The following CHD9 variants were observed in gnomAD, a reference collection of about 807,000 sequenced individuals.
CHD9 encodes the protein ATP-dependent chromatin remodeler CHD9.
CHD9 carries 77 observed loss-of-function variants against 316.1 expected under a neutral mutation model. The ratio of observed to expected loss-of-function variants is 0.24; its 90% CI spans 0.20 to 0.29. The LOEUF is 0.29. Ranked by LOEUF, CHD9 falls within the 10% of genes least tolerant of loss-of-function variation. CHD9 has a pLI of 1.00. For missense variants in CHD9, 2,763 were observed against 3,438.1 expected (o/e 0.80, Z 4.91); for synonymous variants, 1,129 against 1,158.3 (o/e 0.97, Z 0.51).
At chr16:53,177,434 C>T (rs2152798745) in intron 2 of CHD9, among the ~76,000 whole-genome samples, 1 of 152,168 alleles carries the variant, frequency 6.6e-6, no homozygotes, top group South Asian at 2.1e-4. Context: ...ATGATTTGAT[C>T]CAGTATTTTT....
intron 2 of CHD9, among the ~76,000 whole-genome samples, chr16:53,164,251 A>G (rs1017796716): frequency 1.1e-4 from 17 of 152,182 alleles, no homozygotes; most frequent in Admixed American, 8.5e-4. Context: ...TAGCAGAGGA[A>G]GAACCAATGC....
intron 11 of CHD9, among the ~76,000 whole-genome samples, chr16:53,236,350 A>C (rs1319242999): frequency 1.3e-5 from 2 of 152,036 alleles, no homozygotes; most frequent in Admixed American, 1.3e-4. Flanking sequence ...GCTTGCCTTC[A>C]TATCCAAGCC....
At chr16:53,235,409 GTCT>G in intron 11 of CHD9, 103 bp downstream of exon 11, 1 of 806,784 alleles carries the variant, frequency 1.2e-6, no homozygotes, top group Non-Finnish European at 1.8e-6. Flanking sequence ...TTGTTTTGAA[GTCT>G]TCATTATTTA....
intron 1 of CHD9, among the ~76,000 whole-genome samples, chr16:53,071,903 T>G (rs1252749694): frequency 6.6e-6 from 1 of 152,186 alleles, no homozygotes; most frequent in Non-Finnish European, 1.5e-5. Flanking sequence ...CTTCTGTCAC[T>G]CAACGGTTTG....
At chr16:53,282,610 A>T (rs1490176463) in intron 24 of CHD9, among the ~76,000 whole-genome samples, 1 of 152,162 alleles carries the variant, frequency 6.6e-6, no homozygotes, top group East Asian at 1.9e-4. Flanking sequence ...CTGTCTCAAA[A>T]AAACAGAAAA....
chr16:53,106,572 C>G (rs944998994), intron 1 of CHD9, among the ~76,000 whole-genome samples: 2 of 152,096 alleles, frequency 1.3e-5, no homozygotes, highest in Non-Finnish European at 2.9e-5. Context: ...AGATAAAAAA[C>G]TGAACCCCAT....
chr16:53,238,561 A>G lies in CHD9; in HGVS notation c.2852A>G (p.Tyr951Cys). 6.2e-7 allele frequency: 1 copy of G among 1,613,330 alleles called. No individual in the cohort carries two copies. Among genetic ancestry groups the G allele is most frequent in the Non-Finnish European group, 8.5e-7 (1 of 1,179,418 alleles). Residue 951 changes from tyrosine to cysteine, a missense_variant, in exon 12 of 39, where the codon TAC becomes TGC. Coordinates refer to ENST00000447540, the MANE Select transcript of CHD9 (RefSeq NM_001308319.2). ...ATTAGCAGACAAATGATACAGCAAT[A>G]CGAGATGTACTTCAGGGATTCACAG... ...SLISRQMIQQYEMYFRDSQGR... is the reference protein window; with the variant it reads ...SLISRQMIQQCEMYFRDSQGR...
intron 19 of CHD9, among the ~76,000 whole-genome samples, chr16:53,262,629 G>A (rs1451230280): frequency 6.6e-6 from 1 of 152,074 alleles, no homozygotes; most frequent in Non-Finnish European, 1.5e-5. Flanking sequence ...TGTAGTGCAG[G>A]CAGGTTTGGA....
At chr16:53,289,411 A>G (rs2054147464) in intron 27 of CHD9, among the ~76,000 whole-genome samples, 1 of 152,116 alleles carries the variant, frequency 6.6e-6, no homozygotes, top group Admixed American at 6.6e-5. Flanking sequence ...GAGAGAAAGA[A>G]AAATGTGGAA....
At chr16:53,059,640 C>G (rs924173528) in intron 1 of CHD9, among the ~76,000 whole-genome samples, 9 of 152,206 alleles carry the variant, frequency 5.9e-5, no homozygotes, top group Non-Finnish European at 1.2e-4. Flanking sequence ...TCGGCCTCCC[C>G]ACTCATGGGG....
chr16:53,260,273 G>C (rs2050970438), intron 19 of CHD9, among the ~76,000 whole-genome samples: 1 of 152,178 alleles, frequency 6.6e-6, no homozygotes, highest in African/African-American at 2.4e-5. Context: ...GAGGCTGGAA[G>C]TTCAAGACCA....
chr16:53,063,313 A>T (rs917326781), intron 1 of CHD9, among the ~76,000 whole-genome samples: 5 of 151,330 alleles, frequency 3.3e-5, no homozygotes, highest in African/African-American at 1.2e-4. Context: ...GTCCTGCTCC[A>T]GATTTGTGCT....
chr16:53,093,472 G>C (rs577601791), intron 1 of CHD9, among the ~76,000 whole-genome samples: 1 of 152,086 alleles, frequency 6.6e-6, no homozygotes, highest in East Asian at 1.9e-4. Flanking sequence ...AACCCAATTC[G>C]CTCATTCAAG....
Position 53,245,592 on chromosome 16 carries a change from C to A in CHD9, c.3199-3C>A. ...ATATGTCTTTTTATCATTTTTTATTCAGGTACAGAAACTTCAGGCTATCCT... is the reference window on the plus strand; with the variant it reads ...ATATGTCTTTTTATCATTTTTTATTAAGGTACAGAAACTTCAGGCTATCCT... On this transcript the variant is annotated splice_polypyrimidine_tract_variant and splice_region_variant and intron_variant, in intron 14 of 38. Coordinates refer to ENST00000447540, the MANE Select transcript of CHD9 (RefSeq NM_001308319.2). The surrounding 1 kb of genome is among the most constrained non-coding windows in gnomAD (Gnocchi z 4.1). 6.5e-7 allele frequency: 1 copy of A among 1,545,580 alleles called. No homozygotes were observed. Among genetic ancestry groups the A allele is most frequent in the Non-Finnish European group, 8.7e-7 (1 of 1,150,514 alleles).
At chr16:53,206,997 T>C (rs769545293) in intron 2 of CHD9, among the ~76,000 whole-genome samples, 3 of 152,238 alleles carry the variant, frequency 2.0e-5, no homozygotes, top group Non-Finnish European at 2.9e-5. Context: ...TTACTTGTCC[T>C]CTGCCTTTAA....
chr16:53,126,444 T>TTGA (rs746740996), intron 1 of CHD9, among the ~76,000 whole-genome samples: 8 of 152,232 alleles, frequency 5.3e-5, no homozygotes, highest in Non-Finnish European at 8.8e-5. Context: ...CCACACTGTC[T>TTGA]TGATTATTAT....
chr16:53,327,081 C>G lies in CHD9; in HGVS notation c.*2186C>G, dbSNP rs1267397318. 6.6e-6 allele frequency: 1 copy of G among 152,290 alleles called. No individual in the cohort carries two copies. Among genetic ancestry groups the G allele is most frequent in the Non-Finnish European group, 1.5e-5 (1 of 67,912 alleles). The allele number at this position is 152,290 out of a possible 1,614,324, so 9.4% of individuals were successfully genotyped here. On this transcript the variant is annotated 3_prime_UTR_variant, in exon 39 of 39. Coordinates refer to ENST00000447540, the MANE Select transcript of CHD9 (RefSeq NM_001308319.2). The stretch of plus-strand genomic sequence containing the variant: ...CATTCTCTTAGGTTTCAAGACACTT[C>G]TATTTAATATTCATTGGGGAAAAGT...
chr16:53,270,161 ATTT>A (rs757513307), intron 22 of CHD9, among the ~76,000 whole-genome samples: 2 of 118,600 alleles, frequency 1.7e-5, no homozygotes, highest in Admixed American at 8.6e-5. Context: ...CACCTGGCTA[ATTT>A]TTTTTTTTTT....
intron 29 of CHD9, among the ~76,000 whole-genome samples, chr16:53,294,326 T>C (rs182239911): frequency 4.3e-4 from 65 of 152,374 alleles, no homozygotes; most frequent in Non-Finnish European, 1.6e-4. Context: ...AAATTTAGTC[T>C]GACACTTAAG....
Sources: allele counts gnomAD v4.1 joint callset (sites outside exome capture counted in the v4.1 genomes callset), GRCh38; gene constraint gnomAD v4.1.1; non-coding constraint Gnocchi (gnomAD v3.1); transcripts MANE v1.5; gene names NCBI Gene and HGNC (gene_info 2026-07-23, HGNC 2026-07-21).